The following NGB variants were observed in gnomAD, a reference collection of about 807,000 sequenced individuals.
The protein encoded by NGB is neuroglobin.
A neutral mutation model predicts 17.3 loss-of-function variants in NGB; 12 were observed. The observed-to-expected ratio is 0.69, with a 90% CI of 0.45 to 1.13. The LOEUF is 1.13. Ranked by LOEUF, NGB falls within the 50% of genes most tolerant of loss-of-function variation. The pLI is 0.00. For synonymous variants in NGB, 87 were observed against 81.0 expected (o/e 1.07, Z -0.40); for missense variants, 195 against 191.7 (o/e 1.02, Z -0.10).
intron 3 of NGB, among the ~76,000 whole-genome samples, chr14:77,267,781 C>T (rs557752962): frequency 3.9e-5 from 6 of 152,280 alleles, no homozygotes; most frequent in African/African-American, 1.4e-4. Context: ...ACTGTCATAT[C>T]AGTCGCCCCC....
At chr14:77,268,422 C>T in intron 3 of NGB, 44 bp downstream of exon 3, 1 of 1,597,098 alleles carries the variant, frequency 6.3e-7, no homozygotes, top group Non-Finnish European at 8.5e-7. Context: ...GAGAAGTGGC[C>T]CCAGGCCAGG....
chr14:77,270,740 G>T, intron 1 of NGB, 109 bp downstream of exon 1: 1 of 999,962 alleles, frequency 1.0e-6, no homozygotes, highest in Non-Finnish European at 1.5e-6. Flanking sequence ...GCGCCCCAGC[G>T]CCCCGGCAGC....
Position 77,266,458 on chromosome 14 carries a change from T to C in NGB, c.*78A>G, listed in dbSNP as rs1018535258. 26 of 1,565,550 alleles carry C rather than the reference T, an allele frequency of 1.7e-5. No individual in the cohort carries two copies. The Admixed American group carries it at 2.5e-4, about 15-fold the overall frequency. On this transcript the variant is annotated 3_prime_UTR_variant, in exon 4 of 4. Coordinates refer to ENST00000298352, the MANE Select transcript of NGB (RefSeq NM_021257.4). Reference sequence around the variant, plus strand: ...GACAAGGACCAAGATGCAGGGAAGCTTGGGGAGCCTGGGCTACAACAGATA... The same window carrying C: ...GACAAGGACCAAGATGCAGGGAAGCCTGGGGAGCCTGGGCTACAACAGATA...
At chr14:77,268,735 A>C in intron 2 of NGB, 150 bp from the exon 3 acceptor site, 1 of 1,074,240 alleles carries the variant, frequency 9.3e-7, no homozygotes, top group Non-Finnish European at 1.4e-6. Context: ...GCCTGTGTCT[A>C]CTACATGTAG....
At chr14:77,268,726 C>A in intron 2 of NGB, 141 bp from the exon 3 acceptor site, 1 of 1,148,956 alleles carries the variant, frequency 8.7e-7, no homozygotes, top group Non-Finnish European at 1.2e-6. Context: ...TCAAAGGCAG[C>A]CTGTGTCTAC....
rs563222282 is a variant in NGB at position 77,268,475 on chromosome 14, G to A, written c.312C>T (p.Ser104=). The A allele has an allele frequency of 1.4e-4, 220 of 1,612,774 alleles. 3 individuals carry two copies. In the South Asian group the frequency reaches 2.3e-3, roughly 17 times the overall value. ...GAGCTCCTTTACCCACCGAGAAGGA[G>A]CTGAGCTTCACACCCACTGCCCGGT... The part of the protein sequence containing the change: ...RKHRAVGVKL[S]SFSTVGESLL... The change falls in exon 3 of 4, where the codon AGC becomes AGT. Residue 104 remains serine (S), a synonymous_variant. Transcript: ENST00000298352.
Position 77,266,413 on chromosome 14 carries a change from C to T in NGB, c.*123G>A. 1 of 1,350,792 alleles carries T rather than the reference C, an allele frequency of 7.4e-7. No individual in the cohort carries two copies. The allele number at this position is 1,350,792 out of a possible 1,614,324, so 83.7% of individuals were successfully genotyped here. ...CTGAGACCCAGCCCTGCCCCATCAC[C>T]TCTCCAGTGTGGCCAAGGGGACAAG... is the stretch of plus-strand genomic sequence containing the variant. On this transcript the variant is annotated 3_prime_UTR_variant, in exon 4 of 4. Transcript: ENST00000298352.
intron 1 of NGB, among the ~76,000 whole-genome samples, chr14:77,270,303 G>A (rs890781648): frequency 5.9e-5 from 9 of 151,866 alleles, no homozygotes; most frequent in Non-Finnish European, 1.0e-4. Flanking sequence ...TCCCGCATCT[G>A]TCACCCCTTC....
chr14:77,266,129 G>A lies in NGB; in HGVS notation c.*407C>T. 1 of 503,826 alleles carries A rather than the reference G, an allele frequency of 2.0e-6. No homozygotes were observed. The highest frequency in any genetic ancestry group is 5.6e-5 in the East Asian group (1 of 17,758). 31.2% of individuals were successfully genotyped at this position (503,826 alleles called of 1,614,324 possible). A position where few individuals can be genotyped will look rare whatever the true frequency, so the allele number is the denominator to read the frequency against. On this transcript the variant is annotated 3_prime_UTR_variant, in exon 4 of 4. Transcript: ENST00000298352. ...CTGGGCAGGCAGGACAGAAGGCGCT[G>A]GAAGCTCAGCCATCTCACCCCCGCC... is the stretch of plus-strand genomic sequence containing the variant.
In NGB at chr14:77,266,147, C is replaced by A. The variant is rs1008423128; in HGVS notation, c.*389G>T. On this transcript the variant is annotated 3_prime_UTR_variant, in exon 4 of 4. Coordinates refer to ENST00000298352, the MANE Select transcript of NGB (RefSeq NM_021257.4). Reference sequence around the variant, plus strand: ...AGGCGCTGGAAGCTCAGCCATCTCACCCCCGCCTTGGCCTGCACTCACCTG... The same window carrying A: ...AGGCGCTGGAAGCTCAGCCATCTCAACCCCGCCTTGGCCTGCACTCACCTG... 5.8e-6 allele frequency: 3 copies of A among 515,840 alleles called. No individual in the cohort carries two copies. Among genetic ancestry groups the A allele is most frequent in the Admixed American group, 2.0e-5 (1 of 50,826 alleles). The allele number at this position is 515,840 out of a possible 1,614,324, so 32.0% of individuals were successfully genotyped here. A position where few individuals can be genotyped will look rare whatever the true frequency, so the allele number is the denominator to read the frequency against.
chr14:77,270,670 G>C (rs965966320), intron 1 of NGB, among the ~76,000 whole-genome samples, 179 bp downstream of exon 1: 1 of 152,222 alleles, frequency 6.6e-6, no homozygotes, highest in Non-Finnish European at 1.5e-5. Flanking sequence ...GGTCGAGAGA[G>C]AGGCAGAGGG....
chr14:77,267,675 C>G (rs1338756598), intron 3 of NGB, among the ~76,000 whole-genome samples: 2 of 152,180 alleles, frequency 1.3e-5, no homozygotes, highest in African/African-American at 4.8e-5. Context: ...AGATCAGGCA[C>G]TATGCTGGTG....
At position 77,271,030 on chromosome 14, in the gene NGB, C is replaced by G; in HGVS notation, c.-93G>C. On this transcript the variant is annotated 5_prime_UTR_variant, in exon 1 of 4. Coordinates refer to ENST00000298352, the MANE Select transcript of NGB (RefSeq NM_021257.4). Reference sequence around the variant, plus strand: ...GCGCCATCTCCTCCGCGACGCGGTCCCCTCCGCCCCTCGTACGCCCCCCGT... The same window carrying G: ...GCGCCATCTCCTCCGCGACGCGGTCGCCTCCGCCCCTCGTACGCCCCCCGT... 1 of 892,742 alleles carries G rather than the reference C, an allele frequency of 1.1e-6. No homozygotes were observed. Among genetic ancestry groups the G allele is most frequent in the Non-Finnish European group, 1.6e-6 (1 of 626,608 alleles). The allele number at this position is 892,742 out of a possible 1,614,324, so 55.3% of individuals were successfully genotyped here. A position where few individuals can be genotyped will look rare whatever the true frequency, so the allele number is the denominator to read the frequency against.
intron 1 of NGB, among the ~76,000 whole-genome samples, chr14:77,269,639 G>A (rs1231490631): frequency 6.6e-6 from 1 of 150,716 alleles, no homozygotes; most frequent in East Asian, 2.0e-4. Flanking sequence ...AGGAAACCTG[G>A]AGTTACGTTG....
rs576905261 is a variant in NGB at position 77,266,525 on chromosome 14, G to A, written c.*11C>T. 3.0e-5 allele frequency: 48 copies of A among 1,608,742 alleles called. No homozygotes were observed. The highest frequency in any genetic ancestry group is 4.5e-5 in the East Asian group (2 of 44,794). The stretch of plus-strand genomic sequence containing the variant: ...CACAGATGGATGGGGGCTGCCGGGC[G>A]GGGTCGCCTCTTACTCGCCATCCCA... On this transcript the variant is annotated 3_prime_UTR_variant, in exon 4 of 4. Coordinates refer to ENST00000298352, the MANE Select transcript of NGB (RefSeq NM_021257.4).
chr14:77,269,198 C>A lies in NGB; in HGVS notation c.201+17G>T. 6.7e-7 allele frequency: 1 copy of A among 1,486,326 alleles called. No individual in the cohort carries two copies. Among genetic ancestry groups the A allele is most frequent in the East Asian group, 2.5e-5 (1 of 40,604 alleles). The allele number at this position is 1,486,326 out of a possible 1,614,324, so 92.1% of individuals were successfully genotyped here. Reference sequence around the variant, plus strand: ...TGCTGGATCCCAGAGGTCACAGCAGCTCTGCCTCCCTCTCACCTTCCTGAT... The same window carrying A: ...TGCTGGATCCCAGAGGTCACAGCAGATCTGCCTCCCTCTCACCTTCCTGAT... On this transcript the variant is annotated intron_variant, in intron 2 of 3. Transcript: ENST00000298352.
chr14:77,269,697 T>C (rs1052365941), intron 1 of NGB, among the ~76,000 whole-genome samples: 1 of 1,218 alleles, frequency 8.2e-4, no homozygotes, highest in African/African-American at 2.8e-3. Flanking sequence ...TCTCTCTCTC[T>C]CTCTCTCTCT....
intron 1 of NGB, among the ~76,000 whole-genome samples, chr14:77,270,223 G>T (rs1889751795): frequency 6.6e-6 from 1 of 152,080 alleles, no homozygotes; most frequent in Non-Finnish European, 1.5e-5. Flanking sequence ...ACTGCGAGCT[G>T]AGGTTGGAGA....
Position 77,269,305 on chromosome 14 carries a change from G to T in NGB, c.111C>A (p.Asp37Glu). The T allele has an allele frequency of 6.4e-7, 1 of 1,551,274 alleles. No homozygotes were observed. The highest frequency in any genetic ancestry group is 8.7e-7 in the Non-Finnish European group (1 of 1,146,654). The change falls in exon 2 of 4, where the codon GAC becomes GAA. Residue 37 changes from aspartate (D) to glutamate (E), a missense_variant. Physicochemically the swap from Asp to Glu is conservative, Grantham distance 45 (BLOSUM62 2). Coordinates refer to ENST00000298352, the MANE Select transcript of NGB (RefSeq NM_021257.4). ...AGTTGTACTGGAAGAGGGGCAGCAG[G>T]TCAGGCTCCAGGGCAAACAGCCTGT... ...LFARLFALEP[D>E]LLPLFQYNCR... is the part of the protein sequence containing the mutation.
Sources: gnomAD v4.1 joint callset for allele counts (sites outside exome capture counted in the v4.1 genomes callset) on GRCh38, gnomAD v4.1.1 for gene constraint, MANE v1.5 for transcripts, NCBI Gene and HGNC (gene_info 2026-07-23, HGNC 2026-07-21) for gene names.